The following TULP4 variants were observed in gnomAD, a reference collection of about 807,000 sequenced individuals.
The protein encoded by TULP4 is TUB like protein 4.
A neutral mutation model predicts 129.0 loss-of-function variants in TULP4; 16 were observed. That is an observed-to-expected ratio of 0.12 (90% CI 0.08 to 0.19). The LOEUF is 0.19. Ranked by LOEUF, TULP4 falls within the 10% of genes least tolerant of loss-of-function variation. TULP4 has a pLI of 1.00. For missense variants in TULP4, 1,842 were observed against 2,059.1 expected (o/e 0.89, Z 2.04); for synonymous variants, 998 against 854.0 (o/e 1.17, Z -2.94).
chr6:158,376,422 C>T (rs1231765982), intron 1 of TULP4, among the ~76,000 whole-genome samples: 5 of 152,288 alleles, frequency 3.3e-5, no homozygotes, highest in East Asian at 3.9e-4. Flanking sequence ...TGGCCTCTTC[C>T]GCATCCCCGG....
chr6:158,452,630 G>A (rs993429409), intron 5 of TULP4, among the ~76,000 whole-genome samples: 2 of 152,200 alleles, frequency 1.3e-5, no homozygotes, highest in African/African-American at 4.8e-5. Context: ...AGCAGATGGT[G>A]CACAAGACAT....
chr6:158,447,880 AC>A (rs2115127797), intron 3 of TULP4, among the ~76,000 whole-genome samples: 1 of 152,226 alleles, frequency 6.6e-6, no homozygotes, highest in East Asian at 1.9e-4. Flanking sequence ...TGAGATGCTG[AC>A]GGATAGACAG....
upstream of TULP4, among the ~76,000 whole-genome samples, chr6:158,309,180 G>A (rs575283597): frequency 0.011 from 411 of 38,506 alleles, 28 homozygotes; most frequent in Middle Eastern, 0.028. Flanking sequence ...CAGATGGGGT[G>A]GTTGCCAGGC....
intron 2 of TULP4, among the ~76,000 whole-genome samples, chr6:158,423,766 A>G (rs1778409633): frequency 6.6e-6 from 1 of 151,876 alleles, no homozygotes; most frequent in Non-Finnish European, 1.5e-5. Flanking sequence ...TCAGCCTCCC[A>G]AGTAGCTGGG....
Position 158,503,978 on chromosome 6 carries a change from G to A in TULP4, c.4315G>A (p.Ala1439Thr), listed in dbSNP as rs371614011. 67 of 1,612,710 alleles carry A rather than the reference G, an allele frequency of 4.2e-5. No homozygotes were observed. In the Middle Eastern group the frequency reaches 8.3e-4, roughly 20 times the overall value. Residue 1439 changes from alanine (A) to threonine (T), a missense_variant, in exon 13 of 14, where the codon GCC becomes ACC. By Grantham distance (58) the Ala-to-Thr change is moderately conservative. Coordinates refer to ENST00000367097, the MANE Select transcript of TULP4 (RefSeq NM_020245.5). The surrounding 1 kb of genome is among the most constrained non-coding windows in gnomAD (Gnocchi z 4.3). Reference protein sequence around the residue: ...GWKSKRSPRAAGELEEAKCRR... With the variant: ...GWKSKRSPRATGELEEAKCRR... Reference sequence around the variant, plus strand: ...GAAAAGCAAGCGCTCCCCACGGGCCGCCGGCGAGCTGGAGGAGGCCAAGTG... The same window carrying A: ...GAAAAGCAAGCGCTCCCCACGGGCCACCGGCGAGCTGGAGGAGGCCAAGTG...
At position 158,412,968 on chromosome 6, in the gene TULP4, C is replaced by G. The variant is rs1778129945; in HGVS notation, c.253-97C>G. The G allele has an allele frequency of 3.4e-6, 5 of 1,472,928 alleles. No individual in the cohort carries two copies. The African/African-American group carries it at 5.6e-5, about 16-fold the overall frequency. The allele number at this position is 1,472,928 out of a possible 1,614,324, so 91.2% of individuals were successfully genotyped here. A position where few individuals can be genotyped will look rare whatever the true frequency, so the allele number is the denominator to read the frequency against. ...GCCCCCAGTCTTCTCCCTTTATTGA[C>G]TGCATTCTAATTAGTTCAAGTCTGA... is the stretch of plus-strand genomic sequence containing the variant. On this transcript the variant is annotated intron_variant, in intron 1 of 13. Transcript: ENST00000367097.
chr6:158,330,922 G>A (rs1779864373), intron 1 of TULP4, among the ~76,000 whole-genome samples: 4 of 151,456 alleles, frequency 2.6e-5, no homozygotes. Context: ...TTTTGTTTTT[G>A]TTATTAAATT....
chr6:158,502,582 G>A lies in TULP4; in HGVS notation c.2919G>A (p.Gly973=). 14 of 1,603,394 alleles carry A rather than the reference G, an allele frequency of 8.7e-6. No individual in the cohort carries two copies. The highest frequency in any genetic ancestry group is 5.0e-5 in the Admixed American group (3 of 59,994). The change falls in exon 13 of 14, where the codon GGG becomes GGA. Residue 973 remains glycine (G), a synonymous_variant. Coordinates refer to ENST00000367097, the MANE Select transcript of TULP4 (RefSeq NM_020245.5). ...CCAGCCAGCTGGCCCAGGGGCGGGG[G>A]GCTGCCCAGAGGTCCGACAATAGCC... ...EIASQLAQGR[G]AAQRSDNSLI...
intron 1 of TULP4, among the ~76,000 whole-genome samples, chr6:158,340,846 G>T (rs565610162): frequency 6.6e-6 from 1 of 152,198 alleles, no homozygotes; most frequent in Non-Finnish European, 1.5e-5. Context: ...AACAACGGTT[G>T]CTTGAGTTAG....
chr6:158,402,457 C>T (rs1777875526), intron 1 of TULP4, among the ~76,000 whole-genome samples: 2 of 152,302 alleles, frequency 1.3e-5, no homozygotes, highest in Middle Eastern at 3.4e-3. Context: ...ATTACTGTTA[C>T]AAAATTATTT....
Position 158,511,618 on chromosome 6 carries a change from T to A in TULP4, c.*4924T>A, listed in dbSNP as rs1324656647. The A allele has an allele frequency of 1.3e-5, 2 of 152,684 alleles. No individual in the cohort carries two copies. The highest frequency in any genetic ancestry group is 2.9e-5 in the Non-Finnish European group (2 of 68,048). The allele number at this position is 152,684 out of a possible 1,614,324, so 9.5% of individuals were successfully genotyped here. A position where few individuals can be genotyped will look rare whatever the true frequency, so the allele number is the denominator to read the frequency against. The stretch of plus-strand genomic sequence containing the variant: ...ATGCGTTTTAATGAGCTCATCCTTA[T>A]TTGCCTTTCTTCTTACGTATTTTGT... On this transcript the variant is annotated 3_prime_UTR_variant, in exon 14 of 14. Coordinates refer to ENST00000367097, the MANE Select transcript of TULP4 (RefSeq NM_020245.5).
At chr6:158,424,949 C>T (rs541738664) in intron 2 of TULP4, among the ~76,000 whole-genome samples, 2 of 150,508 alleles carry the variant, frequency 1.3e-5, no homozygotes, top group Non-Finnish European at 3.0e-5. Context: ...GTCAGGAGAT[C>T]GAGACCATCC....
intron 1 of TULP4, among the ~76,000 whole-genome samples, chr6:158,272,885 A>G (rs143228741): frequency 1.3e-5 from 2 of 152,342 alleles, no homozygotes; most frequent in East Asian, 1.9e-4. Flanking sequence ...AACGATCAAT[A>G]TGTGTTTTAA....
intron 1 of TULP4, among the ~76,000 whole-genome samples, chr6:158,348,626 T>G (rs1340857940): frequency 6.6e-6 from 1 of 151,162 alleles, no homozygotes; most frequent in African/African-American, 2.4e-5. Context: ...TCCCCACATT[T>G]CCCCCTTTTC....
At chr6:158,488,887 A>G (rs1442231605) in intron 8 of TULP4, among the ~76,000 whole-genome samples, 1 of 151,856 alleles carries the variant, frequency 6.6e-6, no homozygotes, top group East Asian at 1.9e-4. Flanking sequence ...ACGAAGAGGA[A>G]CTTTGCCCCA....
At chr6:158,361,657 A>G (rs887364450) in intron 1 of TULP4, among the ~76,000 whole-genome samples, 2 of 152,240 alleles carry the variant, frequency 1.3e-5, no homozygotes, top group East Asian at 3.8e-4. Context: ...TTTAAAATTA[A>G]TATATGTACT....
At chr6:158,263,015 G>A (rs1413458388) in intron 1 of TULP4, among the ~76,000 whole-genome samples, 1 of 81,596 alleles carries the variant, frequency 1.2e-5, no homozygotes, top group Non-Finnish European at 3.2e-5. Context: ...TAAAACAGAT[G>A]TGTCTGTATC....
intron 1 of TULP4, among the ~76,000 whole-genome samples, chr6:158,350,169 G>C (rs1206491696): frequency 6.6e-6 from 1 of 151,802 alleles, no homozygotes; most frequent in Non-Finnish European, 1.5e-5. Context: ...TCCCAGACGG[G>C]GCGGCCGGGC....
chr6:158,278,660 T>C (rs1778687794), upstream of TULP4, among the ~76,000 whole-genome samples: 1 of 152,220 alleles, frequency 6.6e-6, no homozygotes, highest in Non-Finnish European at 1.5e-5. Context: ...TATTTTCTTC[T>C]TGATCATTTT....
Sources: gnomAD v4.1 joint callset for allele counts (sites outside exome capture counted in the v4.1 genomes callset) on GRCh38, gnomAD v4.1.1 for gene constraint, Gnocchi (gnomAD v3.1) non-coding constraint, MANE v1.5 for transcripts, NCBI Gene and HGNC (gene_info 2026-07-23, HGNC 2026-07-21) for gene names.